Variants in PTPN4 observed in about 807,000 individuals in gnomAD.
PTPN4 encodes tyrosine-protein phosphatase non-receptor type 4.
Under a neutral mutation model 135.5 loss-of-function variants are expected in PTPN4, and 49 were observed. That is an observed-to-expected ratio of 0.36 (90% CI 0.29 to 0.46). The LOEUF (loss-of-function observed/expected upper bound fraction) is 0.46. PTPN4 is among the 20% of genes least tolerant of loss of function. The pLI, the probability that PTPN4 is intolerant of heterozygous loss-of-function variation, is 1.00. For synonymous variants in PTPN4, 333 were observed against 369.9 expected (o/e 0.90, Z 1.14); for missense variants, 860 against 1,101.0 (o/e 0.78, Z 3.10).
At chr2:119,876,212 A>C (rs1485220148) in intron 3 of PTPN4, among the ~76,000 whole-genome samples, 1 of 152,178 alleles carries the variant, frequency 6.6e-6, no homozygotes, top group Non-Finnish European at 1.5e-5. Flanking sequence ...ATTATCAAGA[A>C]GTGTTAATCA....
At chr2:119,798,324 G>A (rs948960658) in intron 1 of PTPN4, among the ~76,000 whole-genome samples, 16 of 152,048 alleles carry the variant, frequency 1.1e-4, no homozygotes, top group African/African-American at 3.9e-4. Flanking sequence ...CCGCCACCAT[G>A]CCTGGCTAAT....
chr2:119,791,322 GT>G (rs771043901), intron 1 of PTPN4: 2 of 152,012 alleles, frequency 1.3e-5, no homozygotes, highest in Non-Finnish European at 2.9e-5. Flanking sequence ...TAGAGATGGG[GT>G]TTCACCATGT....
intron 2 of PTPN4, among the ~76,000 whole-genome samples, chr2:119,843,400 G>C (rs2104972017): frequency 7.1e-6 from 1 of 141,392 alleles, no homozygotes; most frequent in South Asian, 2.4e-4. Context: ...TTTCTACACA[G>C]ACACGGCAAC....
At chr2:119,895,200 T>C (rs1443187379) in intron 9 of PTPN4, among the ~76,000 whole-genome samples, 1 of 152,224 alleles carries the variant, frequency 6.6e-6, no homozygotes, top group Admixed American at 6.5e-5. Flanking sequence ...AATTGTTTTA[T>C]AATTGAAAGT....
intron 9 of PTPN4, among the ~76,000 whole-genome samples, chr2:119,889,262 A>G (rs1413256190): frequency 6.6e-6 from 1 of 152,144 alleles, no homozygotes; most frequent in Non-Finnish European, 1.5e-5. Context: ...TACTAAAAAT[A>G]CAAAAAAATT....
chr2:119,935,050 A>G, intron 15 of PTPN4, 92 bp downstream of exon 15: 1 of 1,379,376 alleles, frequency 7.2e-7, no homozygotes, highest in Non-Finnish European at 9.9e-7. Context: ...TATTCGATAC[A>G]AGATTTTAAT....
At chr2:119,846,915 A>AT (rs200823782) in intron 2 of PTPN4, among the ~76,000 whole-genome samples, 3,629 of 151,488 alleles carry the variant, frequency 0.024, 62 homozygotes, top group Non-Finnish European at 0.033. Context: ...TATTATTCTT[A>AT]TATATACATA....
chr2:119,869,196 C>T (rs1677874181), intron 3 of PTPN4, among the ~76,000 whole-genome samples: 1 of 152,170 alleles, frequency 6.6e-6, no homozygotes, highest in South Asian at 2.1e-4. Context: ...GCTAAACTGA[C>T]ACATAGTGAC....
intron 2 of PTPN4, among the ~76,000 whole-genome samples, chr2:119,817,464 C>G (rs1413777785): frequency 6.6e-6 from 1 of 151,678 alleles, no homozygotes; most frequent in African/African-American, 2.4e-5. Context: ...TTGCTCTTCT[C>G]AACAGTTGTA....
chr2:119,776,274 C>T (rs1367917691), intron 1 of PTPN4, among the ~76,000 whole-genome samples: 1 of 152,166 alleles, frequency 6.6e-6, no homozygotes, highest in Non-Finnish European at 1.5e-5. Context: ...CTCCTGGGTT[C>T]ACGCCATTCT....
chr2:119,840,347 T>C (rs1343127879), intron 2 of PTPN4, among the ~76,000 whole-genome samples: 3 of 152,214 alleles, frequency 2.0e-5, no homozygotes, highest in African/African-American at 7.2e-5. Context: ...CACTTACAAG[T>C]GAGAACATAC....
rs1679631265 is a variant in PTPN4 at position 119,977,230 on chromosome 2, AT to A, written c.*161del. On this transcript the variant is annotated 3_prime_UTR_variant, in exon 27 of 27. Coordinates refer to ENST00000263708, the MANE Select transcript of PTPN4 (RefSeq NM_002830.4). ...ACTGTTGCACTTTATGTTTTAAAAA[AT>A]GTCACTCTTTCAAAATCTATAACTC... The A allele has an allele frequency of 8.4e-7, 1 of 1,195,524 alleles. No homozygotes were observed. Among genetic ancestry groups the A allele is most frequent in the Non-Finnish European group, 1.1e-6 (1 of 924,102 alleles). The allele number at this position is 1,195,524 out of a possible 1,614,324, so 74.1% of individuals were successfully genotyped here.
intron 1 of PTPN4, among the ~76,000 whole-genome samples, chr2:119,807,345 AG>A (rs1691492238): frequency 6.6e-6 from 1 of 152,210 alleles, no homozygotes; most frequent in African/African-American, 2.4e-5. Flanking sequence ...CTAATAAAGA[AG>A]AAAAGAGGGA....
At chr2:119,925,694 A>G (rs1276661164) in intron 12 of PTPN4, among the ~76,000 whole-genome samples, 1 of 152,244 alleles carries the variant, frequency 6.6e-6, no homozygotes, top group Non-Finnish European at 1.5e-5. Context: ...GTGGTGGAGA[A>G]TACTGGAACT....
At chr2:119,781,222 T>C (rs1690931604) in intron 1 of PTPN4, among the ~76,000 whole-genome samples, 1 of 152,202 alleles carries the variant, frequency 6.6e-6, no homozygotes, top group Non-Finnish European at 1.5e-5. Flanking sequence ...ATCAGCCTTT[T>C]TTCTCCAGAG....
At chr2:119,767,252 A>G (rs940244889) in intron 1 of PTPN4, among the ~76,000 whole-genome samples, 1 of 152,154 alleles carries the variant, frequency 6.6e-6, no homozygotes, top group Non-Finnish European at 1.5e-5. Context: ...TTTCAGTGAA[A>G]CAACCTCATC....
intron 11 of PTPN4, 182 bp downstream of exon 11, chr2:119,915,424 G>GTTCTAATTTAAAGTTC (rs1678639524): frequency 7.7e-6 from 3 of 390,240 alleles, no homozygotes. Context: ...TGTGTATGTG[G>GTTCTAATTTAAAGTTC]TTCTAATTTA....
chr2:119,930,153 C>T (rs921985751), intron 13 of PTPN4, among the ~76,000 whole-genome samples: 8 of 152,018 alleles, frequency 5.3e-5, no homozygotes, highest in African/African-American at 1.9e-4. Flanking sequence ...ATCAAAAAAT[C>T]CTATAATTTA....
intron 1 of PTPN4, among the ~76,000 whole-genome samples, chr2:119,764,632 T>C (rs1158139813): frequency 6.6e-6 from 1 of 152,056 alleles, no homozygotes; most frequent in Non-Finnish European, 1.5e-5. Context: ...TTTAATATCT[T>C]CTTAAGCTTT....
Sources: allele counts gnomAD v4.1 joint callset (sites outside exome capture counted in the v4.1 genomes callset), GRCh38; gene constraint gnomAD v4.1.1; transcripts MANE v1.5; gene names NCBI Gene and HGNC (gene_info 2026-07-23, HGNC 2026-07-21).